The following SHANK2 variants were observed in gnomAD, a reference collection of about 807,000 sequenced individuals.
SHANK2 encodes SH3 and multiple ankyrin repeat domains 2.
Under a neutral mutation model 133.7 loss-of-function variants are expected in SHANK2, and 43 were observed. That is an observed-to-expected ratio of 0.32 (90% CI 0.25 to 0.41). SHANK2 has a LOEUF of 0.41. Ranked by LOEUF, SHANK2 falls within the 10% of genes least tolerant of loss-of-function variation. The pLI is 1.00. For synonymous variants in SHANK2, 1,017 were observed against 952.8 expected (o/e 1.07, Z -1.24); for missense variants, 1,994 against 2,235.8 (o/e 0.89, Z 2.18).
At chr11:71,186,064 C>T (rs113905707) in intron 2 of SHANK2, among the ~76,000 whole-genome samples, 117 of 152,334 alleles carry the variant, frequency 7.7e-4, no homozygotes, top group African/African-American at 2.5e-3. Flanking sequence ...TCATTCACCA[C>T]GATGGAAAAT....
chr11:71,236,642 C>T (rs1954829047), intron 1 of SHANK2, among the ~76,000 whole-genome samples: 2 of 152,140 alleles, frequency 1.3e-5, no homozygotes, highest in African/African-American at 2.4e-5. Flanking sequence ...AGCAAGAGAC[C>T]GCCTATGGGC....
intron 3 of SHANK2, among the ~76,000 whole-genome samples, chr11:71,141,721 C>A (rs1952557456): frequency 6.6e-6 from 1 of 152,116 alleles, no homozygotes; most frequent in South Asian, 2.1e-4. Context: ...CCAGGCCCTG[C>A]ACGTAGACTC....
chr11:71,137,011 C>A (rs371750786), intron 3 of SHANK2, among the ~76,000 whole-genome samples: 1 of 152,004 alleles, frequency 6.6e-6, no homozygotes, highest in South Asian at 2.1e-4. Context: ...TACAGGCATG[C>A]GCCACCATGC....
intron 14 of SHANK2, among the ~76,000 whole-genome samples, chr11:70,718,949 G>T (rs1367319845): frequency 3.3e-5 from 5 of 152,176 alleles, no homozygotes; most frequent in Non-Finnish European, 5.9e-5. Context: ...TGATTTGTCA[G>T]CTGGGGATAA....
At chr11:71,067,215 G>A (rs992062869) in intron 9 of SHANK2, among the ~76,000 whole-genome samples, 1 of 152,148 alleles carries the variant, frequency 6.6e-6, no homozygotes, top group Non-Finnish European at 1.5e-5. Context: ...GCTCGGACAG[G>A]TTCCCCGTGG....
chr11:70,866,505 G>A (rs1949361259), intron 11 of SHANK2, among the ~76,000 whole-genome samples: 1 of 152,198 alleles, frequency 6.6e-6, no homozygotes, highest in Non-Finnish European at 1.5e-5. Flanking sequence ...AGGAGTCCAA[G>A]TGTTCTTTTG....
intron 1 of SHANK2, among the ~76,000 whole-genome samples, chr11:71,247,416 T>G (rs1403441558): frequency 6.6e-6 from 1 of 152,184 alleles, no homozygotes; most frequent in Non-Finnish European, 1.5e-5. Context: ...GTTTCAGCTT[T>G]GCTGGATATT....
intron 17 of SHANK2, among the ~76,000 whole-genome samples, chr11:70,570,295 T>C (rs782553239): frequency 3.9e-5 from 6 of 152,162 alleles, no homozygotes; most frequent in Non-Finnish European, 4.4e-5. Context: ...CCGTTCTTGA[T>C]GATTAATTTT....
chr11:71,110,475 G>A (rs1185383693), intron 5 of SHANK2, among the ~76,000 whole-genome samples: 1 of 152,118 alleles, frequency 6.6e-6, no homozygotes, highest in South Asian at 2.1e-4. Flanking sequence ...TAGACGTGGT[G>A]GCACATGTGA....
chr11:70,785,739 A>C (rs1947638150), intron 14 of SHANK2, among the ~76,000 whole-genome samples: 1 of 152,154 alleles, frequency 6.6e-6, no homozygotes, highest in African/African-American at 2.4e-5. Flanking sequence ...CACATGTTCC[A>C]GGACAGGGGG....
chr11:70,890,137 A>G (rs1949816891), intron 11 of SHANK2, among the ~76,000 whole-genome samples: 1 of 152,170 alleles, frequency 6.6e-6, no homozygotes, highest in Admixed American at 6.5e-5. Context: ...CCCTCCCCCA[A>G]AGGGCCTGGG....
At chr11:71,068,623 G>A (rs1174017465) in intron 9 of SHANK2, among the ~76,000 whole-genome samples, 2 of 152,234 alleles carry the variant, frequency 1.3e-5, no homozygotes, top group Non-Finnish European at 2.9e-5. Flanking sequence ...AGTCTGGTAT[G>A]CTGGTCCTGT....
intron 21 of SHANK2, among the ~76,000 whole-genome samples, chr11:70,497,900 G>T (rs1555157474): frequency 6.6e-6 from 1 of 152,260 alleles, no homozygotes; most frequent in Non-Finnish European, 1.5e-5. Context: ...ACTGTCCAGC[G>T]AGTTCCTTTG....
chr11:70,482,039 A>G (rs1190580583), intron 25 of SHANK2, among the ~76,000 whole-genome samples: 1 of 152,132 alleles, frequency 6.6e-6, no homozygotes, highest in Non-Finnish European at 1.5e-5. Flanking sequence ...GCGCACCTCC[A>G]TGGGGGCTTT....
At chr11:71,252,822 G>A (rs1332222937), upstream of SHANK2, among the ~76,000 whole-genome samples, 1 of 151,984 alleles carries the variant, frequency 6.6e-6, no homozygotes, top group Non-Finnish European at 1.5e-5. The surrounding 1 kb of genome is among the most constrained non-coding windows in gnomAD (Gnocchi z 6.3). Flanking sequence ...GGCCGCCTCT[G>A]CCCCGCCCCG....
intron 17 of SHANK2, among the ~76,000 whole-genome samples, chr11:70,630,208 G>A (rs781865690): frequency 2.0e-5 from 3 of 152,236 alleles, no homozygotes; most frequent in Non-Finnish European, 4.4e-5. Context: ...CATCCTGCTG[G>A]GCTGGCACTG....
chr11:70,637,029 C>T (rs2061110928), intron 17 of SHANK2, among the ~76,000 whole-genome samples: 1 of 151,458 alleles, frequency 6.6e-6, no homozygotes, highest in African/African-American at 2.4e-5. Context: ...TAAGCAGGGC[C>T]ACACTCCTCT....
At chr11:70,943,080 C>T (rs782442584) in intron 10 of SHANK2, 58 of 456,658 alleles carry the variant, frequency 1.3e-4, no homozygotes, top group Non-Finnish European at 1.5e-4. Flanking sequence ...GGAAGCACTT[C>T]GGCTCTGAGG....
intron 10 of SHANK2, chr11:70,911,245 A>C (rs538217007): frequency 8.8e-6 from 4 of 453,410 alleles, no homozygotes; most frequent in Admixed American, 7.1e-5. Context: ...TTTGTTTTTG[A>C]GATGGAGTCT....
Sources: gnomAD v4.1 joint callset for allele counts (sites outside exome capture counted in the v4.1 genomes callset) on GRCh38, gnomAD v4.1.1 for gene constraint, Gnocchi (gnomAD v3.1) non-coding constraint, MANE v1.5 for transcripts, NCBI Gene and HGNC (gene_info 2026-07-23, HGNC 2026-07-21) for gene names.